GAL3ST2: variants seen among roughly 807,000 people sequenced by gnomAD.
GAL3ST2 encodes the protein galactose-3-O-sulfotransferase 2, also known as beta-galactose-3-O-sulfotransferase 2.
GAL3ST2 carries 16 observed loss-of-function variants against 12.9 expected under a neutral mutation model. That is an observed-to-expected ratio of 1.24 (90% confidence interval 0.84 to 1.88). The LOEUF is 1.88. GAL3ST2 is among the 40% of genes most tolerant of loss of function. The pLI is 0.00. For missense variants in GAL3ST2, 639 were observed against 571.8 expected (o/e 1.12, Z -1.20); for synonymous variants, 302 against 273.9 (o/e 1.10, Z -1.01).
At position 241,802,870 on chromosome 2, in the gene GAL3ST2, C is replaced by T. The variant is rs1465803350; in HGVS notation, c.376-475C>T. Among the ~76,000 whole-genome samples the T allele has an allele frequency of 6.6e-6, 1 of 152,146 alleles. No homozygotes were observed. The highest frequency in any genetic ancestry group is 1.5e-5 in the Non-Finnish European group (1 of 68,008). On this transcript the variant is annotated intron_variant, in intron 3 of 3. Coordinates refer to ENST00000192314, the MANE Select transcript of GAL3ST2 (RefSeq NM_022134.3). This position sits in a 1 kb window ranked among gnomAD's most constrained non-coding sequence, Gnocchi z 4.8. ...CCCTGTGGGGAACCTGGGTCACGGA[C>T]CTTCTCTGGGCCTCAGTTTCTTTGT...
rs1553615798 is a variant in GAL3ST2, at chr2:241,786,139, T to TGTG, written c.29+9155_29+9156insGTG. ...ATCTTTCTCCCCCACCACACACCTT[T>TGTG]TGTGTGTGTGTGTGTGTGTGTGTGT... On this transcript the variant is annotated intron_variant, in intron 1 of 3. Coordinates refer to ENST00000192314, the MANE Select transcript of GAL3ST2 (RefSeq NM_022134.3). Among the ~76,000 whole-genome samples the TGTG allele has an allele frequency of 6.2e-5, 9 of 145,860 alleles. No homozygotes were observed. In the East Asian group the frequency reaches 1.8e-3, roughly 29 times the overall value.
chr2:241,786,170 T>TGTGTGTGTGTGTGTGTGTGTG (rs57805373), intron 1 of GAL3ST2, among the ~76,000 whole-genome samples: 1 of 148,462 alleles, frequency 6.7e-6, no homozygotes, highest in East Asian at 2.0e-4. Flanking sequence ...TGTGTGTGTG[T>TGTGTGTGTGTGTGTGTGTGTG]TGGGGGGGAT....
intron 1 of GAL3ST2, among the ~76,000 whole-genome samples, chr2:241,783,710 G>A (rs1039360476): frequency 3.3e-5 from 5 of 152,154 alleles, no homozygotes; most frequent in African/African-American, 1.2e-4. Flanking sequence ...TATGAAAACT[G>A]TGATATTCAT....
intron 3 of GAL3ST2, among the ~76,000 whole-genome samples, chr2:241,803,107 G>A (rs531134389): frequency 2.6e-5 from 4 of 152,320 alleles, no homozygotes; most frequent in Admixed American, 2.6e-4. Context: ...CCTTCCTGGC[G>A]TCCTTGGCCT....
chr2:241,782,305 ATTTATTTTAT>A (rs773167336), intron 1 of GAL3ST2, among the ~76,000 whole-genome samples: 4 of 151,900 alleles, frequency 2.6e-5, no homozygotes, highest in East Asian at 3.9e-4. Context: ...AGATAGCTTT[ATTTATTTTAT>A]TTTATTTTAT....
At chr2:241,798,241 G>A (rs892430525) in intron 1 of GAL3ST2, among the ~76,000 whole-genome samples, 1 of 152,206 alleles carries the variant, frequency 6.6e-6, no homozygotes, top group Non-Finnish European at 1.5e-5. Context: ...TGTGGGCCCC[G>A]CCTCTCTGTT....
chr2:241,790,675 G>C (rs1699684259), intron 1 of GAL3ST2, among the ~76,000 whole-genome samples: 1 of 152,152 alleles, frequency 6.6e-6, no homozygotes. Context: ...ATATTTCCTT[G>C]TCATACCTTG....
rs1329715121 is a variant in GAL3ST2, at chr2:241,803,484, C to A, written c.515C>A (p.Ala172Asp). 1 of 1,611,592 alleles carries A rather than the reference C, an allele frequency of 6.2e-7. No individual in the cohort carries two copies. The highest frequency in any genetic ancestry group is 8.5e-7 in the Non-Finnish European group (1 of 1,179,422). The change falls in exon 4 of 4, where the codon GCC becomes GAC. Residue 172 changes from alanine to aspartate, a missense_variant. By Grantham distance (126) the Ala-to-Asp change is moderately radical. Coordinates refer to ENST00000192314, the MANE Select transcript of GAL3ST2 (RefSeq NM_022134.3). ...GCCCCGAGCCTGGACGCGTTCCTGG[C>A]CTCGCCGCGGACGTTCTACAACGAC... ...RGAPSLDAFL[A>D]SPRTFYNDSR...
At position 241,800,729 on chromosome 2, in the gene GAL3ST2, C is replaced by A. The variant is rs150654629; in HGVS notation, c.120-1052C>A. ...GGGGGAGCAGGGGTCAGCGAGGCAG[C>A]GTCTGGCAGCGGGTGAGCTGCACCT... is the stretch of plus-strand genomic sequence containing the variant. On this transcript the variant is annotated intron_variant, in intron 2 of 3. Transcript: ENST00000192314. The surrounding 1 kb of genome is among the most constrained non-coding windows in gnomAD (Gnocchi z 5.2). 6.6e-6 allele frequency among the ~76,000 whole-genome samples: 1 copy of A among 152,118 alleles called. No individual in the cohort carries two copies. Among genetic ancestry groups the A allele is most frequent in the Non-Finnish European group, 1.5e-5 (1 of 68,026 alleles).
chr2:241,785,290 G>A (rs1182189008), intron 1 of GAL3ST2, among the ~76,000 whole-genome samples: 1 of 152,156 alleles, frequency 6.6e-6, no homozygotes, highest in Non-Finnish European at 1.5e-5. Flanking sequence ...GGTGGCTCAC[G>A]CCTGTAATCC....
chr2:241,801,721 T>A lies in GAL3ST2; in HGVS notation c.120-60T>A. ...GCGGTTGCCGGGCTGGGGGTCGCTG[T>A]TGGGCGGGGGTTGGGGCATCTGCAC... On this transcript the variant is annotated intron_variant, in intron 2 of 3. Coordinates refer to ENST00000192314, the MANE Select transcript of GAL3ST2 (RefSeq NM_022134.3). The surrounding 1 kb of genome is among the most constrained non-coding windows in gnomAD (Gnocchi z 4.4). 1.3e-6 allele frequency: 2 copies of A among 1,567,960 alleles called. No individual in the cohort carries two copies. Among genetic ancestry groups the A allele is most frequent in the Admixed American group, 3.4e-5 (2 of 57,984 alleles).
intron 1 of GAL3ST2, among the ~76,000 whole-genome samples, chr2:241,784,255 G>T (rs930943863): frequency 6.6e-6 from 1 of 152,018 alleles, no homozygotes; most frequent in Admixed American, 6.6e-5. Flanking sequence ...GGATGGTCTC[G>T]ATCTCCTAAC....
intron 1 of GAL3ST2, among the ~76,000 whole-genome samples, chr2:241,790,968 A>T (rs1206321490): frequency 6.6e-6 from 1 of 152,250 alleles, no homozygotes; most frequent in Non-Finnish European, 1.5e-5. Context: ...ACCAATTGTC[A>T]TCCAGAAAAT....
chr2:241,794,782 C>T (rs766094928), intron 1 of GAL3ST2, among the ~76,000 whole-genome samples: 7 of 152,198 alleles, frequency 4.6e-5, no homozygotes, highest in Non-Finnish European at 8.8e-5. Flanking sequence ...TTGGGGACTT[C>T]AGGGAGCTCC....
chr2:241,801,654 C>A lies in GAL3ST2; in HGVS notation c.120-127C>A. ...GGTCGGTGCCTACCCAGTTGGCCCC[C>A]TGGCCTAGAGTTGGGGGGCTCAGGT... On this transcript the variant is annotated intron_variant, in intron 2 of 3. Coordinates refer to ENST00000192314, the MANE Select transcript of GAL3ST2 (RefSeq NM_022134.3). This position sits in a 1 kb window ranked among gnomAD's most constrained non-coding sequence, Gnocchi z 4.4. The A allele has an allele frequency of 1.5e-6, 2 of 1,315,716 alleles. No homozygotes were observed. The highest frequency in any genetic ancestry group is 2.5e-5 in the East Asian group (1 of 39,690). The allele number at this position is 1,315,716 out of a possible 1,614,324, so 81.5% of individuals were successfully genotyped here.
intron 1 of GAL3ST2, among the ~76,000 whole-genome samples, chr2:241,790,234 A>C (rs1699678977): frequency 6.6e-6 from 1 of 152,184 alleles, no homozygotes; most frequent in African/African-American, 2.4e-5. Context: ...TGGCATTAGA[A>C]TAGAGAAAGA....
In GAL3ST2 at chr2:241,801,818, A is replaced by C. The variant is rs532651883; in HGVS notation, c.157A>C (p.Asn53His). 2 of 1,612,816 alleles carry C rather than the reference A, an allele frequency of 1.2e-6. No homozygotes were observed. Among genetic ancestry groups the C allele is most frequent in the South Asian group, 2.2e-5 (2 of 91,078 alleles). Residue 53 changes from asparagine to histidine, a missense_variant, in exon 3 of 4, where the codon AAC (asparagine) becomes CAC (histidine). Asn to His is a moderately conservative substitution (Grantham distance 68). Coordinates refer to ENST00000192314, the MANE Select transcript of GAL3ST2 (RefSeq NM_022134.3). This position sits in a 1 kb window ranked among gnomAD's most constrained non-coding sequence, Gnocchi z 4.4. Reference protein sequence around the residue: ...GGQAEGPPVTNIMFLKTHKTA... With the variant: ...GGQAEGPPVTHIMFLKTHKTA... ...CCAGGCTGAGGGGCCGCCGGTCACCAACATCATGTTCCTGAAGACGCACAA... is the reference window on the plus strand; with the variant it reads ...CCAGGCTGAGGGGCCGCCGGTCACCCACATCATGTTCCTGAAGACGCACAA...
rs770981195 is a variant in GAL3ST2, at chr2:241,793,601, ATGTG to A, written c.30-5458_30-5455del. Among the ~76,000 whole-genome samples the A allele has an allele frequency of 3.6e-5, 5 of 137,066 alleles. No homozygotes were observed. The highest frequency in any genetic ancestry group is 4.9e-4 in the East Asian group (2 of 4,046). The allele number at this position is 137,066 out of a possible 152,430, so 89.9% of individuals were successfully genotyped here. Reference sequence around the variant, plus strand: ...TATGTGTATGTATGTATATGTGTATATGTGTGTGTATTGTGTGTGTACATATTGT... The same window carrying A: ...TATGTGTATGTATGTATATGTGTATATGTGTATTGTGTGTGTACATATTGT... On this transcript the variant is annotated intron_variant, in intron 1 of 3. Coordinates refer to ENST00000192314, the MANE Select transcript of GAL3ST2 (RefSeq NM_022134.3). The surrounding 1 kb of genome is among the most constrained non-coding windows in gnomAD (Gnocchi z 4.7).
At chr2:241,779,816 T>C (rs1699544030) in intron 1 of GAL3ST2, among the ~76,000 whole-genome samples, 1 of 151,638 alleles carries the variant, frequency 6.6e-6, no homozygotes, top group Admixed American at 6.6e-5. Flanking sequence ...AGAAACCCCG[T>C]CTCTACTAAA....
Sources: gnomAD v4.1 joint callset for allele counts (sites outside exome capture counted in the v4.1 genomes callset) on GRCh38, gnomAD v4.1.1 for gene constraint, Gnocchi (gnomAD v3.1) non-coding constraint, MANE v1.5 for transcripts, NCBI Gene and HGNC (gene_info 2026-07-23, HGNC 2026-07-21) for gene names.